CNKSR2: variants seen among roughly 807,000 people sequenced by gnomAD.
CNKSR2 encodes connector enhancer of kinase suppressor of Ras 2, also known as CNK homolog protein 2.
Under a neutral mutation model 84.4 loss-of-function variants are expected in CNKSR2, and 14 were observed. The ratio of observed to expected loss-of-function variants is 0.17; its 90% CI spans 0.11 to 0.26. CNKSR2 has a LOEUF of 0.26. CNKSR2 is among the 10% of genes least tolerant of loss of function. The pLI is 1.00. For synonymous variants in CNKSR2, 275 were observed against 277.9 expected (o/e 0.99, Z 0.10); for missense variants, 485 against 771.2 (o/e 0.63, Z 4.40).
chrX:21,560,093 A>G (rs773160337), intron 11 of CNKSR2, among the ~76,000 whole-genome samples: 1 of 111,743 alleles, frequency 8.9e-6, no homozygotes, highest in South Asian at 3.7e-4. Flanking sequence ...ACAGATACTG[A>G]AAAGTGGTAT....
chrX:21,480,359 A>G (rs889923478), intron 5 of CNKSR2, among the ~76,000 whole-genome samples: 2 of 112,205 alleles, frequency 1.8e-5, no homozygotes, highest in Admixed American at 9.4e-5. Flanking sequence ...AGCTTATCTA[A>G]TTATAATGAA....
intron 4 of CNKSR2, among the ~76,000 whole-genome samples, chrX:21,444,126 T>G (rs915024809): frequency 3.1e-4 from 34 of 111,431 alleles, no homozygotes; most frequent in South Asian, 1.1e-3. Context: ...TTTTAGGACT[T>G]ATTGAATTGG....
At chrX:21,392,217 C>A (rs979299908) in intron 1 of CNKSR2, among the ~76,000 whole-genome samples, 1 of 111,966 alleles carries the variant, frequency 8.9e-6, no homozygotes, top group Admixed American at 9.5e-5. Context: ...ACTGTTCCAA[C>A]CTCTGCCCAT....
intron 5 of CNKSR2, among the ~76,000 whole-genome samples, chrX:21,483,138 T>A (rs1018299883): frequency 1.8e-5 from 2 of 111,694 alleles, no homozygotes; most frequent in Non-Finnish European, 3.8e-5. Flanking sequence ...ACGGCATTAC[T>A]CACAATAGCA....
intron 5 of CNKSR2, among the ~76,000 whole-genome samples, chrX:21,478,446 G>C (rs1451547113): frequency 9.0e-6 from 1 of 111,615 alleles, no homozygotes; most frequent in Non-Finnish European, 1.9e-5. Context: ...AAATAATCTG[G>C]TTTTAGTGTT....
intron 4 of CNKSR2, among the ~76,000 whole-genome samples, chrX:21,466,272 A>G (rs980732559): frequency 9.0e-5 from 10 of 111,593 alleles, no homozygotes; most frequent in Non-Finnish European, 1.9e-4. Context: ...TTTGTAAAGT[A>G]TAGATTTATC....
chrX:21,441,224 G>A (rs1174088096), intron 4 of CNKSR2: 1 of 111,107 alleles, frequency 9.0e-6, no homozygotes, highest in Non-Finnish European at 1.9e-5. Flanking sequence ...TCTTTTAGAG[G>A]AAATGTAATT....
At chrX:21,403,909 A>G (rs1331270418) in intron 1 of CNKSR2, among the ~76,000 whole-genome samples, 1 of 112,150 alleles carries the variant, frequency 8.9e-6, no homozygotes, top group Non-Finnish European at 1.9e-5. Flanking sequence ...TTGGCAGAAC[A>G]AAGGGTAAAC....
At chrX:21,419,120 A>G (rs1427183116) in intron 1 of CNKSR2, among the ~76,000 whole-genome samples, 1 of 110,235 alleles carries the variant, frequency 9.1e-6, no homozygotes, top group African/African-American at 3.3e-5. Context: ...GCATTTTCAA[A>G]TAGCCAGTCT....
intron 4 of CNKSR2, among the ~76,000 whole-genome samples, chrX:21,445,089 A>G (rs748222989): frequency 9.0e-6 from 1 of 111,317 alleles, no homozygotes; most frequent in South Asian, 3.8e-4. Context: ...ACAACTTTAA[A>G]TATTACTTTT....
At chrX:21,483,144 T>C (rs2091339790) in intron 5 of CNKSR2, among the ~76,000 whole-genome samples, 2 of 111,667 alleles carry the variant, frequency 1.8e-5, no homozygotes, top group Non-Finnish European at 3.8e-5. Context: ...TTACTCACAA[T>C]AGCAAAGACT....
intron 19 of CNKSR2, among the ~76,000 whole-genome samples, chrX:21,607,769 A>G (rs1359287212): frequency 9.1e-6 from 1 of 110,461 alleles, no homozygotes; most frequent in Non-Finnish European, 1.9e-5. Flanking sequence ...ACACCACTGC[A>G]CTCCAGCCTG....
intron 11 of CNKSR2, among the ~76,000 whole-genome samples, chrX:21,539,109 AT>A: frequency 8.9e-6 from 1 of 112,434 alleles, no homozygotes; most frequent in East Asian, 2.8e-4. Flanking sequence ...TGCCCATTTA[AT>A]TTACTTCTGG....
At chrX:21,595,897 A>G (rs1378771713) in intron 17 of CNKSR2, among the ~76,000 whole-genome samples, 1 of 111,475 alleles carries the variant, frequency 9.0e-6, no homozygotes, top group Non-Finnish European at 1.9e-5. Context: ...GAAAACTTAT[A>G]TGTACATTTT....
At chrX:21,375,058 C>G in intron 1 of CNKSR2, 97 bp downstream of exon 1, 1 of 735,994 alleles carries the variant, frequency 1.4e-6, no homozygotes. Flanking sequence ...CCCGCCACCG[C>G]GGCTTCCACT....
At chrX:21,420,205 A>G (rs1441489578) in intron 1 of CNKSR2, among the ~76,000 whole-genome samples, 1 of 112,434 alleles carries the variant, frequency 8.9e-6, no homozygotes, top group Admixed American at 9.3e-5. Flanking sequence ...AGTAGTGCCA[A>G]ACTACCACTG....
chrX:21,632,986 AAT>A (rs774276066), intron 20 of CNKSR2, among the ~76,000 whole-genome samples: 25 of 99,186 alleles, frequency 2.5e-4, no homozygotes, highest in East Asian at 6.7e-4. Flanking sequence ...ACACTTATAT[AAT>A]ATACACACAC....
At chrX:21,444,804 T>G (rs1456865156) in intron 4 of CNKSR2, among the ~76,000 whole-genome samples, 3 of 111,161 alleles carry the variant, frequency 2.7e-5, no homozygotes, top group African/African-American at 9.8e-5. Flanking sequence ...AGAATGTTCT[T>G]TAGATTTTAA....
chrX:21,467,876 T>C (rs2091148986), intron 4 of CNKSR2, among the ~76,000 whole-genome samples: 1 of 111,055 alleles, frequency 9.0e-6, no homozygotes, highest in African/African-American at 3.3e-5. Flanking sequence ...TTTCTGTCAC[T>C]AACCCACAGC....
Sources: gnomAD v4.1 joint callset for allele counts (sites outside exome capture counted in the v4.1 genomes callset) on GRCh38, gnomAD v4.1.1 for gene constraint, MANE v1.5 for transcripts, NCBI Gene and HGNC (gene_info 2026-07-23, HGNC 2026-07-21) for gene names.